The following ARHGAP26 variants were observed in gnomAD, a reference collection of about 807,000 sequenced individuals.
The protein encoded by ARHGAP26 is rho GTPase-activating protein 26.
In ARHGAP26, 38 loss-of-function variants were observed where a neutral mutation model predicts 104.8. The observed-to-expected ratio is 0.36, with a 90% CI of 0.28 to 0.48. The LOEUF (loss-of-function observed/expected upper bound fraction) is 0.48. Among genes scored for constraint, ARHGAP26 ranks in the 20% least tolerant of loss-of-function variants. The probability of loss-of-function intolerance (pLI) is 0.99; values close to 1 mark genes in which losing one functional copy is unlikely to be tolerated. For missense variants in ARHGAP26, 704 were observed against 947.9 expected, an observed-to-expected ratio of 0.74 and a Z score of 3.38; for synonymous variants, 341 against 340.0, an observed-to-expected ratio of 1.00 and a Z score of -0.03.
At chr5:143,142,946 T>C (rs138576476) in intron 19 of ARHGAP26, among the ~76,000 whole-genome samples, 65 of 152,274 alleles carry the variant, frequency 4.3e-4, no homozygotes, top group Non-Finnish European at 7.8e-4. Context: ...TTTTTTAATA[T>C]AAATCTCCTT....
intron 11 of ARHGAP26, among the ~76,000 whole-genome samples, chr5:142,993,046 A>T (rs991973420): frequency 6.6e-6 from 1 of 150,688 alleles, no homozygotes; most frequent in African/African-American, 2.5e-5. Context: ...CAGTGGCGGG[A>T]TCTCGGCTCA....
chr5:143,037,206 G>C lies in ARHGAP26; in HGVS notation c.1155G>C (p.Leu385Phe), dbSNP rs1477893586. The C allele has an allele frequency of 6.2e-7, 1 of 1,601,934 alleles. No homozygotes were observed. The highest frequency in any genetic ancestry group is 1.1e-5 in the South Asian group (1 of 89,996). Residue 385 changes from leucine to phenylalanine, a missense_variant, in exon 13 of 23, where the codon TTG becomes TTC. Around this residue, in one of 6 missense-constraint regions of ARHGAP26, gnomAD observed 287 missense variants for 438.8 expected, o/e 0.65. Transcript: ENST00000645722. ...CTCTTGCTCTTTCAGCTGCGCAGTT[G>C]GACAGCATTGGCTTCAGCATAATCA... The part of the protein sequence containing the change: ...KDSQSEGTAQ[L>F]DSIGFSIIRK...
chr5:142,861,571 G>A (rs13153145), intron 1 of ARHGAP26, among the ~76,000 whole-genome samples: 9,784 of 152,168 alleles, frequency 0.064, 444 homozygotes, highest in East Asian at 0.18. Context: ...GGGCGAGAGG[G>A]AGTCAAAGTG....
intron 12 of ARHGAP26, among the ~76,000 whole-genome samples, chr5:143,025,772 T>TA (rs1336906456): frequency 1.3e-5 from 2 of 152,232 alleles, no homozygotes; most frequent in Admixed American, 6.5e-5. Context: ...TGCAAGAACC[T>TA]ACGTGCTGTC....
chr5:142,858,961 G>T (rs375809110), intron 1 of ARHGAP26, among the ~76,000 whole-genome samples: 78 of 152,332 alleles, frequency 5.1e-4, no homozygotes, highest in African/African-American at 1.9e-3. Flanking sequence ...GATGGATTGC[G>T]GCACCTTTGA....
At chr5:143,102,372 C>T (rs1043784817) in intron 17 of ARHGAP26, among the ~76,000 whole-genome samples, 37 of 152,172 alleles carry the variant, frequency 2.4e-4, no homozygotes, top group African/African-American at 7.0e-4. Context: ...AGAGGTTTCC[C>T]TTCATTAAAG....
intron 17 of ARHGAP26, among the ~76,000 whole-genome samples, chr5:143,110,395 C>T (rs2150708258): frequency 6.6e-6 from 1 of 152,296 alleles, no homozygotes; most frequent in East Asian, 1.9e-4. Context: ...GGCCTTTGTG[C>T]TGGGTCACCT....
In ARHGAP26 at chr5:143,153,024, G is replaced by A. The variant is rs536044711; in HGVS notation, c.1988+5643G>A. Among the ~76,000 whole-genome samples the A allele has an allele frequency of 6.6e-5, 10 of 152,286 alleles. No individual in the cohort carries two copies. In the East Asian group the frequency reaches 1.2e-3, roughly 18 times the overall value. ...ACACAAGTCCTGTGAGTTTGTGACC[G>A]CGGAGTCATGGGCAGCTGTCTTGGG... On this transcript the variant is annotated intron_variant, in intron 20 of 22. Transcript: ENST00000645722.
intron 14 of ARHGAP26, among the ~76,000 whole-genome samples, chr5:143,052,979 T>A (rs115132962): frequency 0.013 from 1,919 of 152,186 alleles, 36 homozygotes; most frequent in African/African-American, 0.044. Context: ...AAGACGGAAA[T>A]CCTGACCTCA....
chr5:142,927,765 C>G (rs562605057), intron 10 of ARHGAP26, among the ~76,000 whole-genome samples: 3 of 152,212 alleles, frequency 2.0e-5, no homozygotes, highest in Admixed American at 6.5e-5. Flanking sequence ...GTTCCATCAA[C>G]TTATTCTCCC....
At chr5:143,141,276 C>T (rs774375372) in intron 19 of ARHGAP26, among the ~76,000 whole-genome samples, 26 of 152,330 alleles carry the variant, frequency 1.7e-4, no homozygotes, top group Middle Eastern at 3.4e-3. Flanking sequence ...CCATTCTAGG[C>T]GCATACTTTT....
intron 10 of ARHGAP26, chr5:142,921,985 T>C (rs910724057): frequency 6.6e-6 from 1 of 152,224 alleles, no homozygotes; most frequent in Non-Finnish European, 1.5e-5. Context: ...TGTAGTGTCA[T>C]GAGTTTTCAA....
chr5:142,864,250 C>CT (rs957180143), intron 1 of ARHGAP26, among the ~76,000 whole-genome samples: 5 of 152,154 alleles, frequency 3.3e-5, no homozygotes, highest in African/African-American at 1.2e-4. Context: ...CACACTCATT[C>CT]TTTTATCTGT....
chr5:143,004,499 G>A (rs117219572), intron 11 of ARHGAP26, among the ~76,000 whole-genome samples: 4 of 152,278 alleles, frequency 2.6e-5, no homozygotes, highest in Non-Finnish European at 4.4e-5. Context: ...AGGAATGCCC[G>A]GGATGCCTTC....
intron 20 of ARHGAP26, among the ~76,000 whole-genome samples, chr5:143,155,901 G>A (rs992483972): frequency 6.6e-6 from 1 of 152,148 alleles, no homozygotes; most frequent in Non-Finnish European, 1.5e-5. Context: ...TTAATTAAAG[G>A]TATGAATGAC....
chr5:142,832,598 CTG>C (rs1170700862), intron 1 of ARHGAP26, among the ~76,000 whole-genome samples: 2 of 152,228 alleles, frequency 1.3e-5, no homozygotes, highest in Non-Finnish European at 2.9e-5. Context: ...TTTTGTGTGC[CTG>C]GCACAGGACA....
At chr5:143,183,722 G>A (rs539349866) in intron 20 of ARHGAP26, among the ~76,000 whole-genome samples, 2 of 152,208 alleles carry the variant, frequency 1.3e-5, no homozygotes, top group Non-Finnish European at 2.9e-5. Context: ...CGTACCAGGG[G>A]AATGGCTTCC....
chr5:142,947,749 T>G (rs1231702329), intron 11 of ARHGAP26, among the ~76,000 whole-genome samples: 2 of 152,180 alleles, frequency 1.3e-5, no homozygotes, highest in Admixed American at 1.3e-4. Context: ...TGAATGGAAA[T>G]CCATGAAGGC....
chr5:143,119,710 C>T (rs1321055864), intron 17 of ARHGAP26, among the ~76,000 whole-genome samples: 1 of 152,046 alleles, frequency 6.6e-6, no homozygotes, highest in Non-Finnish European at 1.5e-5. Context: ...CTGGGCTGTG[C>T]CACAGTTAAA....
Sources: gnomAD v4.1 joint callset for allele counts (sites outside exome capture counted in the v4.1 genomes callset) on GRCh38, gnomAD v4.1.1 for gene constraint, gnomAD v4.1.1 regional missense constraint, MANE v1.5 for transcripts, NCBI Gene and HGNC (gene_info 2026-07-23, HGNC 2026-07-21) for gene names.